Variants in CARD8 observed in about 807,000 individuals in gnomAD.
The protein encoded by CARD8 is caspase recruitment domain-containing protein 8.
CARD8 carries 38 observed loss-of-function variants against 53.2 expected under a neutral mutation model. The observed-to-expected ratio is 0.71, with a 90% CI of 0.55 to 0.94. The LOEUF is 0.94. CARD8 is among the 40% of genes least tolerant of loss of function. The pLI is 0.00. For synonymous variants in CARD8, 245 were observed against 244.9 expected (o/e 1.00, Z 0.00); for missense variants, 561 against 655.5 (o/e 0.86, Z 1.57).
intron 6 of CARD8, 115 bp downstream of exon 6, chr19:48,234,288 C>A (rs1409745309): frequency 9.6e-7 from 1 of 1,044,630 alleles, no homozygotes. Flanking sequence ...TGCATAAGCT[C>A]ATTCATTCTC....
intron 10 of CARD8, among the ~76,000 whole-genome samples, chr19:48,225,601 G>A (rs1388243423): frequency 1.3e-5 from 2 of 152,166 alleles, no homozygotes; most frequent in Non-Finnish European, 2.9e-5. Flanking sequence ...AGATGAGCAG[G>A]AGCCAGTCTT....
chr19:48,211,987 G>T lies in CARD8; in HGVS notation c.1349-12C>A. Reference sequence around the variant, plus strand: ...CACAAAGGCTGCACCTGGATGAAAGGGGGAGTTTCAGACTTTGAGAATCGT... The same window carrying T: ...CACAAAGGCTGCACCTGGATGAAAGTGGGAGTTTCAGACTTTGAGAATCGT... On this transcript the variant is annotated splice_polypyrimidine_tract_variant and intron_variant, in intron 13 of 13. Coordinates refer to ENST00000651546, the MANE Select transcript of CARD8 (RefSeq NM_001184900.3). 1.2e-6 allele frequency: 2 copies of T among 1,610,952 alleles called. No individual in the cohort carries two copies. Among genetic ancestry groups the T allele is most frequent in the Non-Finnish European group, 1.7e-6 (2 of 1,178,168 alleles).
intron 3 of CARD8, among the ~76,000 whole-genome samples, chr19:48,248,993 T>C (rs2147034477): frequency 6.7e-6 from 1 of 150,260 alleles, no homozygotes; most frequent in Non-Finnish European, 1.5e-5. Flanking sequence ...AGATCAGGAG[T>C]TCGAAGCCAG....
chr19:48,255,326 A>G (rs1380592939), intron 1 of CARD8, among the ~76,000 whole-genome samples: 2 of 152,200 alleles, frequency 1.3e-5, no homozygotes, highest in African/African-American at 4.8e-5. Context: ...AGATCATGCC[A>G]CTGTACTCCA....
chr19:48,233,677 CAG>C (rs1184385024), intron 6 of CARD8: 1 of 230,364 alleles, frequency 4.3e-6, no homozygotes, highest in Non-Finnish European at 8.8e-6. Context: ...GAACTGCAGA[CAG>C]CGCATCCCAG....
intron 10 of CARD8, among the ~76,000 whole-genome samples, chr19:48,227,734 C>A (rs770844517): frequency 4.1e-5 from 6 of 147,448 alleles, no homozygotes; most frequent in Non-Finnish European, 9.0e-5. Flanking sequence ...ACCCAGGAAG[C>A]AGAGGTTGCA....
chr19:48,229,822 T>C (rs561460069), intron 10 of CARD8, among the ~76,000 whole-genome samples: 2 of 152,056 alleles, frequency 1.3e-5, no homozygotes, highest in Non-Finnish European at 2.9e-5. Context: ...CATTTAAAAT[T>C]TGGTGAGAGG....
rs2037657858 is a variant in CARD8, at chr19:48,209,291, TGTCTTG to T, written c.*2413_*2418del. On this transcript the variant is annotated 3_prime_UTR_variant, in exon 14 of 14. Coordinates refer to ENST00000651546, the MANE Select transcript of CARD8 (RefSeq NM_001184900.3). The stretch of plus-strand genomic sequence containing the variant: ...AGCCTGGGTAACAGAGTTGAGACCC[TGTCTTG>T]AAAAAAAAAAAGCTCAAACAAGCAA... The T allele has an allele frequency of 6.6e-6, 1 of 151,558 alleles. No homozygotes were observed. The allele number at this position is 151,558 out of a possible 1,614,324, so 9.4% of individuals were successfully genotyped here. A position where few individuals can be genotyped will look rare whatever the true frequency, so the allele number is the denominator to read the frequency against.
downstream of CARD8, among the ~76,000 whole-genome samples, chr19:48,207,734 G>GTTTTTTTTTTTTTTTTTTTTTTTTTTTTT (rs758903014): frequency 5.1e-5 from 6 of 116,552 alleles, 2 homozygotes; most frequent in African/African-American, 2.2e-4. Context: ...TTGTTTTTCT[G>GTTTTTTTTTTTTTTTTTTTTTTTTTTTTT]TTTTTTTTTT....
chr19:48,252,897 T>A (rs1404649800), intron 1 of CARD8, among the ~76,000 whole-genome samples: 1 of 152,128 alleles, frequency 6.6e-6, no homozygotes, highest in Non-Finnish European at 1.5e-5. Flanking sequence ...TGCTTGTTTT[T>A]GCTTTTTTAA....
At chr19:48,225,153 T>C (rs927053763) in intron 10 of CARD8, among the ~76,000 whole-genome samples, 1 of 134,574 alleles carries the variant, frequency 7.4e-6, no homozygotes, top group African/African-American at 2.9e-5. Context: ...TAAATAGACA[T>C]GTGACCACAA....
chr19:48,234,132 TTGAG>T (rs2146349376), intron 6 of CARD8: 1 of 339,814 alleles, frequency 2.9e-6, no homozygotes, highest in African/African-American at 2.1e-5. Flanking sequence ...GTTTTATGTA[TTGAG>T]TAACAGCTTA....
chr19:48,234,372 A>AAC, intron 6 of CARD8, 31 bp downstream of exon 6: 1 of 1,595,002 alleles, frequency 6.3e-7, no homozygotes, highest in East Asian at 2.2e-5. Context: ...CACAGCGTCC[A>AAC]ATAGTTTTCC....
At chr19:48,213,274 T>C (rs924056847) in intron 13 of CARD8, 1 of 152,216 alleles carries the variant, frequency 6.6e-6, no homozygotes, top group Non-Finnish European at 1.5e-5. Flanking sequence ...AACGTGGACA[T>C]GAAGTCATCA....
At chr19:48,238,628 C>G (rs181728651) in intron 4 of CARD8, 96 bp from the exon 5 acceptor site, 1 of 1,162,870 alleles carries the variant, frequency 8.6e-7, no homozygotes, top group Non-Finnish European at 1.2e-6. Flanking sequence ...GTAGCCCGAT[C>G]CTTAGAGATA....
At chr19:48,229,133 T>C (rs949546724) in intron 10 of CARD8, among the ~76,000 whole-genome samples, 11 of 151,476 alleles carry the variant, frequency 7.3e-5, no homozygotes, top group Non-Finnish European at 1.2e-4. Flanking sequence ...CAAGACTCTG[T>C]CTCAAAAAAG....
chr19:48,212,051 C>G, intron 13 of CARD8, 76 bp from the exon 14 acceptor site: 1 of 1,407,970 alleles, frequency 7.1e-7, no homozygotes, highest in Non-Finnish European at 9.7e-7. Flanking sequence ...AGCTTAGAGT[C>G]AAAATTCAGG....
intron 4 of CARD8, 50 bp downstream of exon 4, chr19:48,240,910 AAC>A (rs1290722729): frequency 1.4e-6 from 2 of 1,388,050 alleles, no homozygotes; most frequent in African/African-American, 2.9e-5. Flanking sequence ...ACTATAACGA[AAC>A]ACAGAAGAAT....
Position 48,231,006 on chromosome 19 carries a change from G to A in CARD8, c.543C>T (p.Ser181=), listed in dbSNP as rs201348979. 3.2e-5 allele frequency: 52 copies of A among 1,612,060 alleles called. No individual in the cohort carries two copies. Among genetic ancestry groups the A allele is most frequent in the African/African-American group, 5.3e-5 (4 of 74,860 alleles). Residue 181 remains serine, a splice_region_variant and synonymous_variant, in exon 9 of 14, where the codon AGC becomes AGT. Transcript: ENST00000651546. ...ACCAGCCAGCAGTGGGGAACCAAAC[G>A]CTGAAAGGAGCCAGAGTGATGTCAT... ...ELIDKSTNRY[S]VWFPTAGWYL...
Sources: allele counts gnomAD v4.1 joint callset (sites outside exome capture counted in the v4.1 genomes callset), GRCh38; gene constraint gnomAD v4.1.1; transcripts MANE v1.5; gene names NCBI Gene and HGNC (gene_info 2026-07-23, HGNC 2026-07-21).